Variants in AK9 observed in about 807,000 individuals in gnomAD.
AK9 encodes adenylate kinase domain containing 1.
In AK9, 191 loss-of-function variants were observed where a neutral mutation model predicts 239.6. The observed-to-expected ratio is 0.80, with a 90% confidence interval of 0.71 to 0.90. AK9 has a LOEUF of 0.90. Among genes scored for constraint, AK9 ranks in the 40% least tolerant of loss-of-function variants. The pLI, the probability that AK9 is intolerant of heterozygous loss-of-function variation, is 0.00. For synonymous variants in AK9, 689 were observed against 721.0 expected (o/e 0.96, Z 0.71); for missense variants, 1,995 against 2,214.7 (o/e 0.90, Z 1.99).
intron 21 of AK9, among the ~76,000 whole-genome samples, chr6:109,572,483 A>G (rs1787549664): frequency 1.3e-5 from 2 of 152,300 alleles, no homozygotes; most frequent in African/African-American, 4.8e-5. Context: ...GTGAGGATGG[A>G]GTCAGATACT....
chr6:109,605,628 T>C (rs936812233), intron 17 of AK9, among the ~76,000 whole-genome samples: 7 of 152,092 alleles, frequency 4.6e-5, no homozygotes, highest in Non-Finnish European at 1.0e-4. Context: ...AAATGAAACA[T>C]GATGGGCATC....
intron 8 of AK9, among the ~76,000 whole-genome samples, chr6:109,646,883 T>C (rs978794170): frequency 7.2e-5 from 11 of 152,180 alleles, no homozygotes; most frequent in Non-Finnish European, 1.5e-4. Context: ...AGACTAACAG[T>C]GGATCTCTTG....
intron 10 of AK9, among the ~76,000 whole-genome samples, chr6:109,639,211 C>G (rs1797092834): frequency 6.6e-6 from 1 of 152,146 alleles, no homozygotes; most frequent in Admixed American, 6.6e-5. Flanking sequence ...GTTCTAGATC[C>G]CTGAGGAATC....
chr6:109,597,147 A>C (rs1791147891), intron 17 of AK9, among the ~76,000 whole-genome samples: 1 of 152,114 alleles, frequency 6.6e-6, no homozygotes, highest in African/African-American at 2.4e-5. Context: ...TCCTCACATG[A>C]CTTCAGGTCA....
At chr6:109,626,614 G>T (rs2128259953) in intron 12 of AK9, among the ~76,000 whole-genome samples, 1 of 152,274 alleles carries the variant, frequency 6.6e-6, no homozygotes, top group Non-Finnish European at 1.5e-5. Flanking sequence ...AACACCTAGG[G>T]TATATGGTAT....
chr6:109,555,423 A>G (rs917671461), intron 24 of AK9, among the ~76,000 whole-genome samples: 1 of 152,144 alleles, frequency 6.6e-6, no homozygotes, highest in African/African-American at 2.4e-5. Flanking sequence ...GGAGTGTTTT[A>G]CTTCCAATTA....
At position 109,551,813 on chromosome 6, in the gene AK9, TTACATAGG is replaced by T. The variant is rs1181253769; in HGVS notation, c.2752-1519_2752-1512del. On this transcript the variant is annotated intron_variant, in intron 24 of 40. Transcript: ENST00000424296. Reference sequence around the variant, plus strand: ...TACATGTGCAGAACGTGCAGGTTTGTTACATAGGTACACATGTGCCATGGTGGTTTGCT... The same window carrying T: ...TACATGTGCAGAACGTGCAGGTTTGTTACACATGTGCCATGGTGGTTTGCT... Among the ~76,000 whole-genome samples the T allele has an allele frequency of 3.3e-5, 5 of 151,682 alleles. No homozygotes were observed. The East Asian group carries it at 9.7e-4, about 29-fold the overall frequency.
chr6:109,639,337 T>C (rs1331056822), intron 10 of AK9, among the ~76,000 whole-genome samples: 2 of 152,338 alleles, frequency 1.3e-5, no homozygotes, highest in Non-Finnish European at 2.9e-5. Context: ...TTTTAAGGAT[T>C]GCCATTCTAA....
At chr6:109,632,666 C>T (rs1307921334) in intron 12 of AK9, 7 of 798,016 alleles carry the variant, frequency 8.8e-6, no homozygotes, top group Middle Eastern at 4.5e-4. Context: ...GTCTGAATGA[C>T]ACGATATTCA....
intron 3 of AK9, among the ~76,000 whole-genome samples, chr6:109,673,647 GA>G (rs34210342): frequency 6.6e-6 from 1 of 151,978 alleles, no homozygotes; most frequent in African/African-American, 2.4e-5. Flanking sequence ...ATGTTCCTAA[GA>G]AAAGCTGTGA....
intron 24 of AK9, among the ~76,000 whole-genome samples, chr6:109,553,987 A>G (rs541495020): frequency 6.6e-6 from 1 of 152,122 alleles, no homozygotes; most frequent in African/African-American, 2.4e-5. Context: ...GGTTCTGTTT[A>G]TGTGATGGAT....
chr6:109,663,512 G>GA (rs1800734315), intron 5 of AK9, among the ~76,000 whole-genome samples: 1 of 152,164 alleles, frequency 6.6e-6, no homozygotes, highest in Non-Finnish European at 1.5e-5. Context: ...ATATTCAAGT[G>GA]AAAATCTGAA....
chr6:109,628,338 C>T (rs1795769128), intron 12 of AK9, among the ~76,000 whole-genome samples: 1 of 152,190 alleles, frequency 6.6e-6, no homozygotes, highest in Non-Finnish European at 1.5e-5. Flanking sequence ...TCACAAGCAG[C>T]TCCCTTCTCC....
Position 109,509,082 on chromosome 6 carries a change from G to A in AK9, c.4481+97C>T, listed in dbSNP as rs2128107321. ...GAGAAGTAGATCACACCCTTTATAA[G>A]AGCTTTAAGCCCCATGTAAGTGTTT... On this transcript the variant is annotated intron_variant, in intron 33 of 40. Transcript: ENST00000424296. 8.2e-6 allele frequency: 10 copies of A among 1,212,592 alleles called. No homozygotes were observed. In the South Asian group the frequency reaches 1.6e-4, roughly 19 times the overall value. 75.1% of individuals were successfully genotyped at this position (1,212,592 alleles called of 1,614,324 possible).
At chr6:109,516,124 G>A (rs1416696326) in intron 30 of AK9, 49 bp from the exon 31 acceptor site, 1 of 1,449,794 alleles carries the variant, frequency 6.9e-7, no homozygotes, top group African/African-American at 1.4e-5. Context: ...GAAAAAGGCT[G>A]GTAGTATTTA....
At chr6:109,516,189 AT>A in intron 30 of AK9, 114 bp from the exon 31 acceptor site, 1 of 1,025,534 alleles carries the variant, frequency 9.8e-7, no homozygotes, top group Non-Finnish European at 1.4e-6. Flanking sequence ...GAACACAAAT[AT>A]TTTTCAGCTT....
intron 17 of AK9, among the ~76,000 whole-genome samples, chr6:109,608,975 A>T (rs1414504645): frequency 6.6e-6 from 1 of 152,186 alleles, no homozygotes; most frequent in Non-Finnish European, 1.5e-5. Context: ...TCTAATCATA[A>T]AGATCACAGA....
intron 17 of AK9, among the ~76,000 whole-genome samples, chr6:109,588,052 CT>C (rs1284238114): frequency 2.6e-5 from 4 of 151,568 alleles, no homozygotes; most frequent in Admixed American, 6.6e-5. Flanking sequence ...ATGTTGAGGA[CT>C]TTTTTTCATA....
intron 21 of AK9, among the ~76,000 whole-genome samples, chr6:109,571,645 G>A (rs1302439178): frequency 6.6e-6 from 1 of 152,104 alleles, no homozygotes; most frequent in African/African-American, 2.4e-5. Context: ...AAACCTGGAT[G>A]GATGTATGAT....
Sources: gnomAD v4.1 joint callset for allele counts (sites outside exome capture counted in the v4.1 genomes callset) on GRCh38, gnomAD v4.1.1 for gene constraint, MANE v1.5 for transcripts, NCBI Gene and HGNC (gene_info 2026-07-23, HGNC 2026-07-21) for gene names.